GBF1: variants seen among roughly 807,000 people sequenced by gnomAD.
GBF1 encodes the protein Golgi-specific brefeldin A-resistance guanine nucleotide exchange factor 1.
Under a neutral mutation model 210.5 loss-of-function variants are expected in GBF1, and 114 were observed. The observed-to-expected ratio is 0.54, with a 90% confidence interval of 0.47 to 0.63. The LOEUF is 0.63. GBF1 is among the 30% of genes least tolerant of loss of function. GBF1 has a pLI of 0.00. For synonymous variants in GBF1, 850 were observed against 889.2 expected (o/e 0.96, Z 0.78); for missense variants, 1,851 against 2,357.7 (o/e 0.79, Z 4.45).
chr10:102,260,503 G>A (rs563034494), intron 3 of GBF1, among the ~76,000 whole-genome samples: 173 of 43,838 alleles, frequency 3.9e-3, no homozygotes, highest in Non-Finnish European at 5.9e-3. Flanking sequence ...TTTTTTTGAG[G>A]TAGAGTCTCT....
At chr10:102,268,196 G>A (rs1255915818) in intron 3 of GBF1, among the ~76,000 whole-genome samples, 2 of 152,190 alleles carry the variant, frequency 1.3e-5, no homozygotes, top group Non-Finnish European at 2.9e-5. Context: ...GAAGACTCTT[G>A]AGAAGAAACA....
intron 3 of GBF1, among the ~76,000 whole-genome samples, chr10:102,288,553 T>C (rs910337787): frequency 1.3e-5 from 2 of 149,248 alleles, no homozygotes; most frequent in African/African-American, 4.9e-5. Context: ...CTACTAAAAA[T>C]ACAAAAAATT....
intron 35 of GBF1, 22 bp from the exon 36 acceptor site, chr10:102,379,831 A>T (rs1348517744): frequency 6.4e-7 from 1 of 1,574,584 alleles, no homozygotes; most frequent in African/African-American, 1.3e-5. Flanking sequence ...ATAGGGAGAC[A>T]TTGCACATTT....
At chr10:102,362,244 G>A (rs1049937758) in intron 14 of GBF1, among the ~76,000 whole-genome samples, 37 of 151,646 alleles carry the variant, frequency 2.4e-4, no homozygotes, top group African/African-American at 8.2e-4. Flanking sequence ...TTTTAGCAGA[G>A]ACGGGGTTTC....
chr10:102,293,764 G>GTTTTTT (rs1263151407), intron 3 of GBF1, among the ~76,000 whole-genome samples: 2,603 of 50,742 alleles, frequency 0.051, 938 homozygotes, highest in Non-Finnish European at 0.077. Context: ...GCTGTAGTAT[G>GTTTTTT]TTTTGTGTTT....
At chr10:102,376,853 G>T in intron 32 of GBF1, 53 bp downstream of exon 32, 1 of 1,609,932 alleles carries the variant, frequency 6.2e-7, no homozygotes, top group Non-Finnish European at 8.5e-7. Context: ...ATTATGCAGG[G>T]GAGAGGCTGA....
At chr10:102,323,148 G>T (rs1191689986) in intron 3 of GBF1, among the ~76,000 whole-genome samples, 1 of 131,732 alleles carries the variant, frequency 7.6e-6, no homozygotes, top group Non-Finnish European at 1.6e-5. Context: ...CCTTTGACAT[G>T]ATACCTCAAT....
intron 3 of GBF1, among the ~76,000 whole-genome samples, chr10:102,287,871 A>G (rs2076093088): frequency 6.6e-6 from 1 of 152,192 alleles, no homozygotes; most frequent in South Asian, 2.1e-4. Flanking sequence ...ACTGGGAGTC[A>G]TCTTGGAGGC....
At chr10:102,300,153 C>T in intron 3 of GBF1, among the ~76,000 whole-genome samples, 1 of 152,140 alleles carries the variant, frequency 6.6e-6, no homozygotes, top group Admixed American at 6.6e-5. Flanking sequence ...ATACAGTTCC[C>T]TTGATAGTAT....
chr10:102,300,797 G>T (rs1026600744), intron 3 of GBF1, among the ~76,000 whole-genome samples: 1 of 152,136 alleles, frequency 6.6e-6, no homozygotes, highest in Non-Finnish European at 1.5e-5. Flanking sequence ...GTACATATGT[G>T]ACTAAGTTAT....
intron 3 of GBF1, among the ~76,000 whole-genome samples, chr10:102,290,213 T>C (rs2076322211): frequency 6.6e-6 from 1 of 152,216 alleles, no homozygotes; most frequent in African/African-American, 2.4e-5. Context: ...TTTCCTCTTA[T>C]TCATTTAGTA....
chr10:102,324,940 T>G (rs2056762898), intron 3 of GBF1, among the ~76,000 whole-genome samples: 1 of 152,210 alleles, frequency 6.6e-6, no homozygotes, highest in African/African-American at 2.4e-5. Context: ...AAAACTTGCC[T>G]TATAGTATTC....
chr10:102,346,993 A>C (rs1443818196), intron 4 of GBF1, among the ~76,000 whole-genome samples: 1 of 151,994 alleles, frequency 6.6e-6, no homozygotes, highest in African/African-American at 2.4e-5. Flanking sequence ...TATTTCCCTT[A>C]ATCTGTAGTT....
At chr10:102,252,414 A>G (rs1244525110) in intron 1 of GBF1, among the ~76,000 whole-genome samples, 1 of 152,078 alleles carries the variant, frequency 6.6e-6, no homozygotes, top group East Asian at 1.9e-4. Flanking sequence ...AACCACTGTG[A>G]TATTCTGACT....
At position 102,370,251 on chromosome 10, in the gene GBF1, G is replaced by A. The variant is rs781035787; in HGVS notation, c.3411+6G>A. Reference sequence around the variant, plus strand: ...CACTACAGGAGCTCATGAAGGTAAAGGATGAAGAAAGGAAACATGGAACAA... The same window carrying A: ...CACTACAGGAGCTCATGAAGGTAAAAGATGAAGAAAGGAAACATGGAACAA... On this transcript the variant is annotated splice_donor_region_variant and intron_variant, in intron 27 of 39. Coordinates refer to ENST00000369983, the MANE Select transcript of GBF1 (RefSeq NM_001377137.1). The A allele has an allele frequency of 3.1e-5, 49 of 1,598,890 alleles. No individual in the cohort carries two copies. The East Asian group carries it at 9.4e-4, about 31-fold the overall frequency.
At chr10:102,365,841 T>C (rs1338837177) in intron 18 of GBF1, among the ~76,000 whole-genome samples, 1 of 150,450 alleles carries the variant, frequency 6.6e-6, no homozygotes, top group African/African-American at 2.5e-5. Flanking sequence ...AGTCTGGGAG[T>C]TCGAGGCTGC....
intron 4 of GBF1, among the ~76,000 whole-genome samples, chr10:102,350,117 G>A (rs1470912314): frequency 6.6e-6 from 1 of 152,092 alleles, no homozygotes; most frequent in Non-Finnish European, 1.5e-5. Context: ...TTGGGAGGCC[G>A]AGGCTGGCAG....
chr10:102,281,593 C>G (rs2075489034), intron 3 of GBF1, among the ~76,000 whole-genome samples: 1 of 149,076 alleles, frequency 6.7e-6, no homozygotes, highest in African/African-American at 2.4e-5. Flanking sequence ...TATATTATAA[C>G]TTAGACTCAT....
intron 2 of GBF1, among the ~76,000 whole-genome samples, chr10:102,259,833 T>G (rs1296669379): frequency 6.6e-6 from 1 of 152,212 alleles, no homozygotes; most frequent in Admixed American, 6.5e-5. Context: ...AGATTAGCAC[T>G]TAAGAATTCA....
Sources: allele counts gnomAD v4.1 joint callset (sites outside exome capture counted in the v4.1 genomes callset), GRCh38; gene constraint gnomAD v4.1.1; transcripts MANE v1.5; gene names NCBI Gene and HGNC (gene_info 2026-07-23, HGNC 2026-07-21).